Variants in ANKS1B observed in about 807,000 individuals in gnomAD.
ANKS1B encodes the protein ankyrin repeat and sterile alpha motif domain-containing protein 1B.
A neutral mutation model predicts 148.3 loss-of-function variants in ANKS1B; 36 were observed. That is an observed-to-expected ratio of 0.24 (90% CI 0.19 to 0.32). The LOEUF (loss-of-function observed/expected upper bound fraction) is 0.32, where lower values mean the gene tolerates loss of function less well. ANKS1B is among the 10% of genes least tolerant of loss of function. The probability of loss-of-function intolerance (pLI) is 1.00; values close to 1 mark genes in which losing one functional copy is unlikely to be tolerated. For synonymous variants in ANKS1B, 542 were observed against 560.8 expected, an observed-to-expected ratio of 0.97 and a Z score of 0.47; for missense variants, 1,157 against 1,542.6, an observed-to-expected ratio of 0.75 and a Z score of 4.19.
At chr12:99,128,939 T>C (rs2065235350) in intron 15 of ANKS1B, among the ~76,000 whole-genome samples, 2 of 152,100 alleles carry the variant, frequency 1.3e-5, no homozygotes, top group African/African-American at 2.4e-5. Flanking sequence ...GCTTGGAGGA[T>C]GATTGTGAGT....
intron 9 of ANKS1B, among the ~76,000 whole-genome samples, chr12:99,554,857 A>G (rs2097259926): frequency 6.6e-6 from 1 of 152,116 alleles, no homozygotes; most frequent in South Asian, 2.1e-4. Context: ...CCTACACTCC[A>G]TCCTCAAGTA....
chr12:98,982,943 A>C (rs1456358969), intron 17 of ANKS1B, among the ~76,000 whole-genome samples: 1 of 152,242 alleles, frequency 6.6e-6, no homozygotes, highest in African/African-American at 2.4e-5. Flanking sequence ...AAACTTTAGT[A>C]GATTATGCCA....
intron 15 of ANKS1B, among the ~76,000 whole-genome samples, chr12:99,132,499 ATGAAGAATCCTATATATAG>A (rs2066443953): frequency 5.9e-5 from 9 of 151,906 alleles, no homozygotes; most frequent in Non-Finnish European, 1.2e-4. Flanking sequence ...AAAAAAAGTA[ATGAAGAATCCTATATATAG>A]TGGTTGATTG....
chr12:98,921,763 T>C (rs1207536570), intron 17 of ANKS1B, among the ~76,000 whole-genome samples: 3 of 152,210 alleles, frequency 2.0e-5, no homozygotes, highest in African/African-American at 4.8e-5. Context: ...TAAAAGAAGA[T>C]GGAAATCCAT....
At chr12:99,926,547 C>T (rs1025592837) in intron 1 of ANKS1B, among the ~76,000 whole-genome samples, 1 of 152,224 alleles carries the variant, frequency 6.6e-6, no homozygotes, top group African/African-American at 2.4e-5. Context: ...GGGTCTCAGG[C>T]CTGCTGGTCT....
chr12:99,666,320 C>G (rs563268467), intron 8 of ANKS1B, among the ~76,000 whole-genome samples: 8 of 152,280 alleles, frequency 5.3e-5, no homozygotes, highest in African/African-American at 1.9e-4. Flanking sequence ...CTGTCAATAG[C>G]TGAAAAATTA....
At chr12:99,365,011 A>C (rs1411426982) in intron 12 of ANKS1B, among the ~76,000 whole-genome samples, 1 of 152,220 alleles carries the variant, frequency 6.6e-6, no homozygotes, top group Admixed American at 6.5e-5. Flanking sequence ...ACTGATTGAA[A>C]GGATCCACTG....
In ANKS1B at chr12:99,984,881, G is replaced by T. The variant is rs1340968681; in HGVS notation, c.-644C>A. On this transcript the variant is annotated 5_prime_UTR_variant, in exon 1 of 27. Coordinates refer to ENST00000683438, the MANE Select transcript of ANKS1B (RefSeq NM_001352186.2). ...GGCGGCGAGGCCTGGCGCGCGGGGG[G>T]CGTGTGCGCGCGGGCAGGTGCGGCC... 6.7e-6 allele frequency among the ~76,000 whole-genome samples: 1 copy of T among 148,252 alleles called. No individual in the cohort carries two copies. Among genetic ancestry groups the T allele is most frequent in the African/African-American group, 2.4e-5 (1 of 41,038 alleles).
At chr12:99,048,835 G>C (rs1339755268) in intron 17 of ANKS1B, 6 of 152,266 alleles carry the variant, frequency 3.9e-5, no homozygotes, top group Admixed American at 2.0e-4. Flanking sequence ...GGAACAGCTT[G>C]AAATCTGGAT....
Position 99,567,919 on chromosome 12 carries a change from A to G in ANKS1B, c.1273-63278T>C, listed in dbSNP as rs115162484. 1.2e-3 allele frequency among the ~76,000 whole-genome samples: 187 copies of G among 152,324 alleles called. 3 individuals carry two copies. The highest frequency in any genetic ancestry group is 4.4e-3 in the African/African-American group (183 of 41,570). ...GAGAGGGACAGAGGCAGCCAGGCAC[A>G]TGAGTCAGCTCCCCTGCCCCCAGCA... is the stretch of plus-strand genomic sequence containing the variant. On this transcript the variant is annotated intron_variant, in intron 9 of 26. Coordinates refer to ENST00000683438, the MANE Select transcript of ANKS1B (RefSeq NM_001352186.2).
chr12:99,102,413 T>TTTC (rs72119352), intron 15 of ANKS1B, among the ~76,000 whole-genome samples: 28 of 151,214 alleles, frequency 1.9e-4, no homozygotes, highest in East Asian at 5.9e-4. Flanking sequence ...GTTGCTTTAT[T>TTTC]TTCTTCTTCT....
chr12:98,775,454 C>G (rs1314451959), intron 24 of ANKS1B, among the ~76,000 whole-genome samples: 3 of 151,822 alleles, frequency 2.0e-5, no homozygotes, highest in Non-Finnish European at 4.4e-5. Context: ...CTTTCTCTCT[C>G]TCTCTCTTTT....
chr12:99,662,750 C>T (rs533603615), intron 8 of ANKS1B, among the ~76,000 whole-genome samples: 31 of 152,078 alleles, frequency 2.0e-4, no homozygotes, highest in Non-Finnish European at 3.5e-4. Flanking sequence ...AACTCTATAG[C>T]GGAGGTGAAT....
chr12:99,287,614 A>G (rs745997944), intron 12 of ANKS1B, among the ~76,000 whole-genome samples: 2 of 152,238 alleles, frequency 1.3e-5, no homozygotes, highest in African/African-American at 2.4e-5. Flanking sequence ...CTTTCAGAGA[A>G]TTCAAAATAC....
At chr12:99,929,935 G>A (rs2094570413) in intron 1 of ANKS1B, among the ~76,000 whole-genome samples, 1 of 152,086 alleles carries the variant, frequency 6.6e-6, no homozygotes, top group Admixed American at 6.5e-5. Context: ...GTAGCATGAT[G>A]CCTCCAGCTT....
chr12:98,760,168 T>A (rs565857227), intron 25 of ANKS1B, among the ~76,000 whole-genome samples: 1 of 152,234 alleles, frequency 6.6e-6, no homozygotes, highest in Admixed American at 6.5e-5. Flanking sequence ...TGGAACTTTA[T>A]TTAAATGAGG....
intron 8 of ANKS1B, among the ~76,000 whole-genome samples, chr12:99,717,966 C>T (rs562349513): frequency 5.6e-4 from 82 of 145,154 alleles, no homozygotes; most frequent in African/African-American, 2.0e-3. Context: ...TGCAGTGGCG[C>T]GATCTCGGCT....
chr12:99,051,961 C>G (rs2099966380), intron 17 of ANKS1B, among the ~76,000 whole-genome samples: 1 of 152,168 alleles, frequency 6.6e-6, no homozygotes, highest in South Asian at 2.1e-4. Flanking sequence ...TAGAACAGAG[C>G]ACTTTTGAAC....
At chr12:99,773,554 A>C (rs1346125279) in intron 7 of ANKS1B, among the ~76,000 whole-genome samples, 3 of 152,142 alleles carry the variant, frequency 2.0e-5, no homozygotes, top group Non-Finnish European at 2.9e-5. Context: ...CTTAAGAATT[A>C]TGGTATATGA....
Sources: gnomAD v4.1 joint callset for allele counts (sites outside exome capture counted in the v4.1 genomes callset) on GRCh38, gnomAD v4.1.1 for gene constraint, MANE v1.5 for transcripts, NCBI Gene and HGNC (gene_info 2026-07-23, HGNC 2026-07-21) for gene names.